GRIK2: variants seen among roughly 807,000 people sequenced by gnomAD.
GRIK2 encodes glutamate ionotropic receptor kainate type subunit 2, also known as glutamate receptor ionotropic, kainate 2.
A neutral mutation model predicts 100.3 loss-of-function variants in GRIK2; 32 were observed. The observed-to-expected ratio is 0.32, with a 90% CI of 0.24 to 0.43. GRIK2 has a LOEUF of 0.43. GRIK2 is among the 20% of genes least tolerant of loss of function. The pLI, the probability that GRIK2 is intolerant of heterozygous loss-of-function variation, is 1.00. For synonymous variants in GRIK2, 417 were observed against 389.4 expected (o/e 1.07, Z -0.83); for missense variants, 843 against 1,114.9 (o/e 0.76, Z 3.47).
intron 5 of GRIK2, among the ~76,000 whole-genome samples, chr6:101,680,028 G>T (rs1436515219): frequency 6.6e-6 from 1 of 152,090 alleles, no homozygotes; most frequent in Non-Finnish European, 1.5e-5. Flanking sequence ...ATGAGCCACC[G>T]CGCCTGGCCT....
intron 14 of GRIK2, among the ~76,000 whole-genome samples, chr6:101,954,182 T>G (rs1169785701): frequency 6.6e-6 from 1 of 152,180 alleles, no homozygotes; most frequent in Non-Finnish European, 1.5e-5. Context: ...ATCATCAGTT[T>G]CCTTTTTTAT....
intron 14 of GRIK2, among the ~76,000 whole-genome samples, chr6:101,931,848 G>T (rs1790307060): frequency 6.6e-6 from 1 of 152,076 alleles, no homozygotes; most frequent in Non-Finnish European, 1.5e-5. Context: ...ATGGATGACA[G>T]TCCAAGAATT....
intron 4 of GRIK2, among the ~76,000 whole-genome samples, chr6:101,667,561 C>G (rs1029401936): frequency 1.3e-5 from 2 of 152,048 alleles, no homozygotes; most frequent in African/African-American, 4.8e-5. Flanking sequence ...AAAATGTTTT[C>G]ATGGGATTGT....
At chr6:101,814,394 G>T in intron 9 of GRIK2, among the ~76,000 whole-genome samples, 1 of 152,008 alleles carries the variant, frequency 6.6e-6, no homozygotes, top group Non-Finnish European at 1.5e-5. Context: ...TAAAGTAAGT[G>T]TGATTAATAA....
rs78323012 is a variant in GRIK2 at position 101,860,394 on chromosome 6, A to G, written c.1524+901A>G. Among the ~76,000 whole-genome samples the G allele has an allele frequency of 1.9e-3, 291 of 152,250 alleles. 3 individuals carry two copies. The highest frequency in any genetic ancestry group is 6.8e-3 in the African/African-American group (282 of 41,558). On this transcript the variant is annotated intron_variant, in intron 11 of 16. Transcript: ENST00000369134. ...GAATATATATATTATATTTTCCCCA[A>G]TGGGATATAGGAGAAGTCATGAATA...
chr6:101,805,183 T>C (rs893182080), intron 9 of GRIK2, among the ~76,000 whole-genome samples: 2 of 151,872 alleles, frequency 1.3e-5, no homozygotes, highest in Admixed American at 6.6e-5. Flanking sequence ...CCTACCCTGA[T>C]GGAATTCACA....
At chr6:101,891,621 C>A in intron 12 of GRIK2, 1 of 392,972 alleles carries the variant, frequency 2.5e-6, no homozygotes, top group African/African-American at 2.2e-5. Context: ...ATTATTTTTA[C>A]CTAATTAGTT....
At chr6:101,730,641 CTTTTTTG>C (rs942858692) in intron 7 of GRIK2, among the ~76,000 whole-genome samples, 1 of 151,330 alleles carries the variant, frequency 6.6e-6, no homozygotes, top group Non-Finnish European at 1.5e-5. Context: ...ACCTTTCACC[CTTTTTTG>C]TTTTTTTTTG....
chr6:101,612,045 C>T (rs923437725), intron 2 of GRIK2, among the ~76,000 whole-genome samples: 1 of 151,762 alleles, frequency 6.6e-6, no homozygotes, highest in Admixed American at 6.6e-5. Flanking sequence ...GGCAATATTA[C>T]CCAGCAAGAA....
At chr6:101,536,080 T>G (rs1207302495) in intron 2 of GRIK2, among the ~76,000 whole-genome samples, 1 of 151,748 alleles carries the variant, frequency 6.6e-6, no homozygotes, top group Non-Finnish European at 1.5e-5. Context: ...CTGATTACCT[T>G]TTATTAATTC....
intron 7 of GRIK2, among the ~76,000 whole-genome samples, chr6:101,749,962 G>A (rs545581301): frequency 3.3e-5 from 5 of 151,662 alleles, no homozygotes; most frequent in East Asian, 3.9e-4. Context: ...ACAGATGTTC[G>A]CCACCATGCC....
chr6:101,632,917 G>A (rs970540118), intron 4 of GRIK2, among the ~76,000 whole-genome samples: 4 of 152,050 alleles, frequency 2.6e-5, no homozygotes, highest in Non-Finnish European at 4.4e-5. Flanking sequence ...AGAAAGTGAC[G>A]TTATAAAATT....
chr6:101,581,709 T>C (rs1236184121), intron 2 of GRIK2, among the ~76,000 whole-genome samples: 1 of 152,120 alleles, frequency 6.6e-6, no homozygotes, highest in Non-Finnish European at 1.5e-5. Context: ...GTTTAGGAGA[T>C]GAAACACACA....
rs571801752 is a variant in GRIK2, at chr6:101,841,158, C to T, written c.1318-18129C>T. On this transcript the variant is annotated intron_variant, in intron 10 of 16. Transcript: ENST00000369134. ...GTGAAGCACACACTTTTTGTGCCCT[C>T]GAGCAATAGCATTCCGTGTTTACTA... Among the ~76,000 whole-genome samples the T allele has an allele frequency of 3.3e-5, 5 of 152,192 alleles. No homozygotes were observed. In the East Asian group the frequency reaches 7.7e-4, roughly 24 times the overall value.
intron 10 of GRIK2, among the ~76,000 whole-genome samples, chr6:101,836,606 G>T (rs1783110942): frequency 8.6e-6 from 1 of 116,468 alleles, no homozygotes; most frequent in Non-Finnish European, 1.7e-5. Context: ...GGGGCTTGTT[G>T]CTATATATAT....
At chr6:101,894,606 T>C (rs772066740) in intron 12 of GRIK2, among the ~76,000 whole-genome samples, 4 of 151,720 alleles carry the variant, frequency 2.6e-5, no homozygotes, top group Non-Finnish European at 5.9e-5. Flanking sequence ...CATATGATTA[T>C]AGAGATGGCA....
rs1786183428 is a variant in GRIK2, at chr6:101,880,660, A to T, written c.1525-8980A>T. On this transcript the variant is annotated intron_variant, in intron 11 of 16. Coordinates refer to ENST00000369134, the MANE Select transcript of GRIK2 (RefSeq NM_021956.5). ...TACCTTCTGAAATTAGGGATATTTA[A>T]CATTTTTATAATTTTGTCTTAGTTC... 2.0e-5 allele frequency among the ~76,000 whole-genome samples: 3 copies of T among 152,040 alleles called. No homozygotes were observed. In the South Asian group the frequency reaches 6.2e-4, roughly 31 times the overall value.
In GRIK2 at chr6:101,957,764, G is replaced by A. The variant is rs183584175; in HGVS notation, c.2085+29132G>A. Among the ~76,000 whole-genome samples, 243 of 152,082 alleles carry A rather than the reference G, an allele frequency of 1.6e-3. 2 individuals carry two copies. The Middle Eastern group carries it at 0.017, about 11-fold the overall frequency. The stretch of plus-strand genomic sequence containing the variant: ...TATGTATGGCAATCCAGTTTTCCCA[G>A]CACCATTTATTGAATAGGATGTCTT... On this transcript the variant is annotated intron_variant, in intron 14 of 16. Coordinates refer to ENST00000369134, the MANE Select transcript of GRIK2 (RefSeq NM_021956.5).
At chr6:101,622,938 G>A (rs560961112) in intron 3 of GRIK2, among the ~76,000 whole-genome samples, 1 of 152,038 alleles carries the variant, frequency 6.6e-6, no homozygotes, top group Non-Finnish European at 1.5e-5. Flanking sequence ...TCTTATATAT[G>A]TAGATAATCT....
Sources: gnomAD v4.1 joint callset for allele counts (sites outside exome capture counted in the v4.1 genomes callset) on GRCh38, gnomAD v4.1.1 for gene constraint, MANE v1.5 for transcripts, NCBI Gene and HGNC (gene_info 2026-07-23, HGNC 2026-07-21) for gene names.